ICE1: variants seen among roughly 807,000 people sequenced by gnomAD.
The protein encoded by ICE1 is little elongation complex subunit 1.
ICE1 carries 64 observed loss-of-function variants against 192.7 expected under a neutral mutation model. That is an observed-to-expected ratio of 0.33 (90% CI 0.27 to 0.41). ICE1 has a LOEUF of 0.41. Ranked by LOEUF, ICE1 falls within the 10% of genes least tolerant of loss-of-function variation. The pLI is 1.00. For missense variants in ICE1, 2,708 were observed against 2,696.0 expected (o/e 1.00, Z -0.10); for synonymous variants, 1,010 against 984.5 (o/e 1.03, Z -0.49).
intron 1 of ICE1, among the ~76,000 whole-genome samples, chr5:5,432,146 A>G (rs1737728490): frequency 6.6e-6 from 1 of 152,108 alleles, no homozygotes; most frequent in African/African-American, 2.4e-5. Context: ...AAACATTTTC[A>G]TCCTCCACCT....
chr5:5,464,467 G>C lies in ICE1; in HGVS notation c.5133G>C (p.Pro1711=), dbSNP rs61735527. The change falls in exon 13 of 19, where the codon CCG becomes CCC. Residue 1711 remains proline, a synonymous_variant. Transcript: ENST00000296564. This position sits in a 1 kb window ranked among gnomAD's most constrained non-coding sequence, Gnocchi z 4.0. ...SAASASERVV[P]SPLQFCAATP... ...CTTCAGCCAGTGAGAGGGTAGTGCCGTCTCCTCTGCAGTTCTGTGCGGCCA... is the reference window on the plus strand; with the variant it reads ...CTTCAGCCAGTGAGAGGGTAGTGCCCTCTCCTCTGCAGTTCTGTGCGGCCA... The C allele has an allele frequency of 6.2e-7, 1 of 1,613,768 alleles. No homozygotes were observed. Among genetic ancestry groups the C allele is most frequent in the Non-Finnish European group, 8.5e-7 (1 of 1,179,862 alleles).
chr5:5,434,646 G>C (rs557222996), intron 1 of ICE1, among the ~76,000 whole-genome samples: 1 of 152,098 alleles, frequency 6.6e-6, no homozygotes, highest in Non-Finnish European at 1.5e-5. Flanking sequence ...AATTAAGCTA[G>C]GGTGTAAAAG....
chr5:5,485,729 C>T (rs570829825), intron 17 of ICE1, among the ~76,000 whole-genome samples: 19 of 152,276 alleles, frequency 1.2e-4, no homozygotes, highest in South Asian at 1.2e-3. Flanking sequence ...CATAGATCTT[C>T]GAAATGCCAA....
chr5:5,448,170 G>T (rs1468896738), intron 10 of ICE1, among the ~76,000 whole-genome samples: 2 of 152,066 alleles, frequency 1.3e-5, no homozygotes, highest in African/African-American at 4.8e-5. Context: ...TTCAATTAAT[G>T]AATACAGATT....
At position 5,480,549 on chromosome 5, in the gene ICE1, A is replaced by T. The variant is rs2111403706; in HGVS notation, c.6520+4470A>T. Among the ~76,000 whole-genome samples the T allele has an allele frequency of 2.0e-5, 3 of 152,132 alleles. No individual in the cohort carries two copies. In the South Asian group the frequency reaches 6.2e-4, roughly 32 times the overall value. On this transcript the variant is annotated intron_variant, in intron 17 of 18. Transcript: ENST00000296564. The stretch of plus-strand genomic sequence containing the variant: ...AGGTGGAGCCACCGCGCCCAGCCGG[A>T]TTTTTCTTAATGAAAACTCACAGAT...
intron 15 of ICE1, among the ~76,000 whole-genome samples, chr5:5,472,228 T>C (rs1178938465): frequency 6.6e-6 from 1 of 152,196 alleles, no homozygotes; most frequent in African/African-American, 2.4e-5. Context: ...GCATAATCTT[T>C]TAAGCACTTA....
rs1739596058 is a variant in ICE1 at position 5,484,822 on chromosome 5, T to C, written c.6521-1899T>C. Among the ~76,000 whole-genome samples the C allele has an allele frequency of 2.6e-5, 4 of 152,298 alleles. 1 individual carries two copies. The South Asian group carries it at 8.3e-4, about 32-fold the overall frequency. ...ATCCACATATAGACCTGTGGGACACTTGTAGTATTGAGAGAGAATGTGAAC... is the reference window on the plus strand; with the variant it reads ...ATCCACATATAGACCTGTGGGACACCTGTAGTATTGAGAGAGAATGTGAAC... On this transcript the variant is annotated intron_variant, in intron 17 of 18. Transcript: ENST00000296564.
intron 13 of ICE1, 30 bp from the exon 14 acceptor site, chr5:5,466,304 A>G (rs1478930170): frequency 5.1e-6 from 8 of 1,571,136 alleles, no homozygotes; most frequent in South Asian, 2.4e-5. Context: ...ATGAGTGTAC[A>G]TTGCCTTTTT....
rs1738983945 is a variant in ICE1, at chr5:5,466,340, G to A, written c.5899G>A (p.Ala1967Thr). The A allele has an allele frequency of 6.3e-7, 1 of 1,598,880 alleles. No homozygotes were observed. Among genetic ancestry groups the A allele is most frequent in the Admixed American group, 1.8e-5 (1 of 56,804 alleles). Reference protein sequence around the residue: ...YEFSTTKKHLAECLLHSILSE... With the variant: ...YEFSTTKKHLTECLLHSILSE... ...AATTTTTTTTTCAATCCAGCATTTA[G>A]CAGAGTGCTTGCTTCACTCTATTCT... The change falls in exon 14 of 19, where the codon GCA becomes ACA. Residue 1967 changes from alanine to threonine, a missense_variant. This residue lies in a region of ICE1 where 342 missense variants were observed against 419.3 expected (regional missense o/e 0.82). Coordinates refer to ENST00000296564, the MANE Select transcript of ICE1 (RefSeq NM_015325.3).
Position 5,461,764 on chromosome 5 carries a change from A to G in ICE1, c.2430A>G (p.Glu810=). 1 of 1,613,932 alleles carries G rather than the reference A, an allele frequency of 6.2e-7. No homozygotes were observed. The highest frequency in any genetic ancestry group is 8.5e-7 in the Non-Finnish European group (1 of 1,179,812). The change falls in exon 13 of 19, where the codon GAA becomes GAG. Residue 810 remains glutamate (E), a synonymous_variant. Coordinates refer to ENST00000296564, the MANE Select transcript of ICE1 (RefSeq NM_015325.3). ...AAGAAAGTCTGAGAGCCAAATCAGAACATGAACAGAAGACTAGCCATCAGT... is the reference window on the plus strand; with the variant it reads ...AAGAAAGTCTGAGAGCCAAATCAGAGCATGAACAGAAGACTAGCCATCAGT... The part of the protein sequence containing the change: ...GGEESLRAKS[E]HEQKTSHQLQ...
chr5:5,422,716 C>T lies in ICE1; in HGVS notation c.-200C>T, dbSNP rs980935496. On this transcript the variant is annotated 5_prime_UTR_variant, in exon 1 of 19. Coordinates refer to ENST00000296564, the MANE Select transcript of ICE1 (RefSeq NM_015325.3). ...TCGGGGGCCGCGCCGGGTAGCGTTT[C>T]TTTTTAGTGCCTGAGGCAGCTCTGG... 11 of 360,024 alleles carry T rather than the reference C, an allele frequency of 3.1e-5. No individual in the cohort carries two copies. Among genetic ancestry groups the T allele is most frequent in the Non-Finnish European group, 4.9e-5 (10 of 202,896 alleles). The allele number at this position is 360,024 out of a possible 1,614,324, so 22.3% of individuals were successfully genotyped here.
intron 17 of ICE1, among the ~76,000 whole-genome samples, chr5:5,485,327 A>C (rs531616913): frequency 2.2e-4 from 33 of 152,278 alleles, no homozygotes; most frequent in Admixed American, 7.2e-4. Context: ...TGAGAATCGC[A>C]TTGCCTTGTT....
chr5:5,440,887 T>G (rs1236804051), intron 4 of ICE1, among the ~76,000 whole-genome samples: 2 of 150,146 alleles, frequency 1.3e-5, no homozygotes, highest in Non-Finnish European at 3.0e-5. Flanking sequence ...GGAGACAGAG[T>G]GAGACCCTGA....
intron 1 of ICE1, among the ~76,000 whole-genome samples, chr5:5,435,770 A>G (rs1172108400): frequency 6.7e-6 from 1 of 148,256 alleles, no homozygotes; most frequent in African/African-American, 2.5e-5. Flanking sequence ...CTCAGGTTCA[A>G]GTGATTCTCC....
chr5:5,462,359 A>C lies in ICE1; in HGVS notation c.3025A>C (p.Thr1009Pro), dbSNP rs941532947. ...GSEMLPATEV[T>P]VSGGFSVEET... ...TGAGATGCTTCCAGCCACAGAAGTG[A>C]CTGTGTCAGGAGGGTTTTCTGTTGA... Residue 1009 changes from threonine to proline, a missense_variant, in exon 13 of 19, where the codon ACT becomes CCT. Thr to Pro is a conservative substitution (Grantham distance 38). This residue lies in a region of ICE1 where 2,366 missense variants were observed against 2,276.6 expected (regional missense o/e 1.04). Transcript: ENST00000296564. 6.2e-7 allele frequency: 1 copy of C among 1,614,042 alleles called. No individual in the cohort carries two copies. Among genetic ancestry groups the C allele is most frequent in the African/African-American group, 1.3e-5 (1 of 75,056 alleles).
At chr5:5,458,887 T>C (rs1738671358) in intron 12 of ICE1, among the ~76,000 whole-genome samples, 1 of 152,192 alleles carries the variant, frequency 6.6e-6, no homozygotes, top group South Asian at 2.1e-4. Context: ...TTTTCTTTTT[T>C]TTTGAGACAG....
In ICE1 at chr5:5,462,664, G is replaced by C; in HGVS notation, c.3330G>C (p.Glu1110Asp). 4 of 1,613,988 alleles carry C rather than the reference G, an allele frequency of 2.5e-6. No individual in the cohort carries two copies. Among genetic ancestry groups the C allele is most frequent in the Non-Finnish European group, 3.4e-6 (4 of 1,179,880 alleles). ...AGGGGGGAGACGACACTGAGGTAGA[G>C]AGTGAGGCATTTAGCTGCAGTGAGG... ...IREGGDDTEV[E>D]SEAFSCSEGS... The change falls in exon 13 of 19, where the codon GAG (glutamate) becomes GAC (aspartate). Residue 1110 changes from glutamate (E) to aspartate (D), a missense_variant. Glu to Asp is a conservative substitution (Grantham distance 45). Transcript: ENST00000296564.
chr5:5,489,794 C>G lies in ICE1; in HGVS notation c.*464C>G, dbSNP rs1238507896. 1 of 152,532 alleles carries G rather than the reference C, an allele frequency of 6.6e-6. No homozygotes were observed. Among genetic ancestry groups the G allele is most frequent in the Non-Finnish European group, 1.5e-5 (1 of 68,330 alleles). The allele number at this position is 152,532 out of a possible 1,614,324, so 9.4% of individuals were successfully genotyped here. On this transcript the variant is annotated 3_prime_UTR_variant, in exon 19 of 19. Transcript: ENST00000296564. ...AACCTAGAGTTTTCTGCTATCTTTG[C>G]TGGAAATGAGTTGCAAAAGTTTTTC...
At chr5:5,431,864 C>T (rs1388282080) in intron 1 of ICE1, among the ~76,000 whole-genome samples, 1 of 151,754 alleles carries the variant, frequency 6.6e-6, no homozygotes, top group Non-Finnish European at 1.5e-5. Flanking sequence ...TCTCCATCTT[C>T]GCCTTATTCT....
Sources: gnomAD v4.1 joint callset for allele counts (sites outside exome capture counted in the v4.1 genomes callset) on GRCh38, gnomAD v4.1.1 for gene constraint, gnomAD v4.1.1 regional missense constraint, Gnocchi (gnomAD v3.1) non-coding constraint, MANE v1.5 for transcripts, NCBI Gene and HGNC (gene_info 2026-07-23, HGNC 2026-07-21) for gene names.